Variants in STARD13 observed in about 807,000 individuals in gnomAD.
STARD13 encodes stAR-related lipid transfer protein 13.
A neutral mutation model predicts 106.4 loss-of-function variants in STARD13; 62 were observed. The ratio of observed to expected loss-of-function variants is 0.58; its 90% CI spans 0.48 to 0.72. The LOEUF (loss-of-function observed/expected upper bound fraction) is 0.72. STARD13 is among the 30% of genes least tolerant of loss of function. STARD13 has a pLI of 0.00. For synonymous variants in STARD13, 565 were observed against 553.0 expected, an observed-to-expected ratio of 1.02 and a Z score of -0.31; for missense variants, 1,387 against 1,424.0, an observed-to-expected ratio of 0.97 and a Z score of 0.42.
chr13:33,477,461 C>A, the STARD13 span, among the ~76,000 whole-genome samples: 1 of 152,152 alleles, frequency 6.6e-6, no homozygotes, highest in Non-Finnish European at 1.5e-5. Context: ...CTGACTCTGG[C>A]AAATCTTGCC....
chr13:33,436,978 G>A, the STARD13 span, among the ~76,000 whole-genome samples: 5 of 152,078 alleles, frequency 3.3e-5, no homozygotes, highest in African/African-American at 4.8e-5. Flanking sequence ...GTATATGGAG[G>A]GGCCCCTTCA....
At chr13:33,249,899 C>T (rs1426148477) in intron 1 of STARD13, among the ~76,000 whole-genome samples, 2 of 152,120 alleles carry the variant, frequency 1.3e-5, no homozygotes, top group Non-Finnish European at 2.9e-5. Flanking sequence ...AAACAATAGT[C>T]CCACCTCAGC....
At chr13:33,616,205 AAGGAG>A in the STARD13 span, among the ~76,000 whole-genome samples, 12 of 148,822 alleles carry the variant, frequency 8.1e-5, no homozygotes, top group Admixed American at 6.0e-4. Flanking sequence ...AGGGAGGGAA[AAGGAG>A]AGGAGAGGAG....
chr13:33,448,930 G>C, the STARD13 span, among the ~76,000 whole-genome samples: 1 of 151,622 alleles, frequency 6.6e-6, no homozygotes, highest in Admixed American at 6.6e-5. Flanking sequence ...TTTTTTAATT[G>C]AGTTTTTGTT....
At chr13:33,625,683 TAGAA>T in the STARD13 span, among the ~76,000 whole-genome samples, 1 of 152,052 alleles carries the variant, frequency 6.6e-6, no homozygotes, top group African/African-American at 2.4e-5. Context: ...TTCTCTTGGT[TAGAA>T]AGAGAATTAA....
At chr13:33,304,139 C>T (rs7334667) in intron 1 of STARD13, among the ~76,000 whole-genome samples, 37,778 of 152,212 alleles carry the variant, frequency 0.25, 5,250 homozygotes, top group East Asian at 0.69. Flanking sequence ...TGCAGACACA[C>T]CACAGGCCGA....
chr13:33,172,016 A>G (rs1026720867), intron 1 of STARD13, among the ~76,000 whole-genome samples: 1 of 151,118 alleles, frequency 6.6e-6, no homozygotes, highest in Admixed American at 6.7e-5. Context: ...TCACATGAAC[A>G]TATTATCATG....
intron 1 of STARD13, among the ~76,000 whole-genome samples, chr13:33,319,932 T>C (rs1397290099): frequency 6.6e-6 from 1 of 152,220 alleles, no homozygotes; most frequent in Non-Finnish European, 1.5e-5. Flanking sequence ...TTCAAAGCCC[T>C]GCTTGGCTGC....
At chr13:33,181,630 T>C (rs1270725172) in intron 1 of STARD13, among the ~76,000 whole-genome samples, 3 of 152,224 alleles carry the variant, frequency 2.0e-5, no homozygotes, top group Non-Finnish European at 4.4e-5. Flanking sequence ...TGAAAGTCCT[T>C]TGCAAACTGT....
intron 1 of STARD13, among the ~76,000 whole-genome samples, chr13:33,331,794 A>C (rs1278376572): frequency 6.6e-6 from 1 of 152,132 alleles, no homozygotes; most frequent in African/African-American, 2.4e-5. Context: ...TTCACTCAAT[A>C]AATGTTTTTC....
At position 33,321,438 on chromosome 13, in the gene STARD13, G is replaced by A. The variant is rs536205306; in HGVS notation, c.124+28852C>T. Among the ~76,000 whole-genome samples, 4 of 151,780 alleles carry A rather than the reference G, an allele frequency of 2.6e-5. No individual in the cohort carries two copies. The South Asian group carries it at 6.2e-4, about 24-fold the overall frequency. ...CGAGAATCGCTTGAACCTGGGAGAC[G>A]GAGGTTGCAGTCAGCTGAGATCATG... On this transcript the variant is annotated intron_variant, in intron 1 of 5. Transcript: ENST00000567873.
chr13:33,361,023 A>T, the STARD13 span, among the ~76,000 whole-genome samples: 1 of 140,562 alleles, frequency 7.1e-6, no homozygotes, highest in African/African-American at 2.7e-5. Flanking sequence ...AGCCAGGATG[A>T]TCTCGATCTC....
At chr13:33,490,224 A>G in the STARD13 span, among the ~76,000 whole-genome samples, 1 of 152,178 alleles carries the variant, frequency 6.6e-6, no homozygotes, top group South Asian at 2.1e-4. Context: ...AGCAAATTGA[A>G]GGATGCTAGT....
In STARD13 at chr13:33,129,320, C is replaced by T. The variant is rs1174879417; in HGVS notation, c.1357G>A (p.Ala453Thr). 5 of 1,614,150 alleles carry T rather than the reference C, an allele frequency of 3.1e-6. No homozygotes were observed. Among genetic ancestry groups the T allele is most frequent in the Non-Finnish European group, 4.2e-6 (5 of 1,180,036 alleles). The change falls in exon 5 of 14, where the codon GCC becomes ACC. Residue 453 changes from alanine (A) to threonine (T), a missense_variant. Coordinates refer to ENST00000336934, the MANE Select transcript of STARD13 (RefSeq NM_178006.4). ...EPRLMASCHRASRVSIYDNVP... is the reference protein window; with the variant it reads ...EPRLMASCHRTSRVSIYDNVP... ...TTGTCATAGATACTGACTCGGCTGGCTCTGTGGCAGGACGCCATGAGCCGG... is the reference window on the plus strand; with the variant it reads ...TTGTCATAGATACTGACTCGGCTGGTTCTGTGGCAGGACGCCATGAGCCGG...
intron 1 of STARD13, among the ~76,000 whole-genome samples, chr13:33,182,726 ATTT>A (rs1885363564): frequency 6.6e-6 from 1 of 152,210 alleles, no homozygotes; most frequent in African/African-American, 2.4e-5. Flanking sequence ...TTAGACTCTC[ATTT>A]TGTCTAAACC....
rs187389197 is a variant in STARD13, at chr13:33,327,586, G to C, written c.124+22704C>G. 1.5e-4 allele frequency among the ~76,000 whole-genome samples: 23 copies of C among 152,288 alleles called. 2 individuals carry two copies. The East Asian group carries it at 4.4e-3, about 29-fold the overall frequency. Reference sequence around the variant, plus strand: ...GGGTCTTGCTATGTTGCCCAGGTTGGTCTTGAACTCCTGGCCTCAAGGGAT... The same window carrying C: ...GGGTCTTGCTATGTTGCCCAGGTTGCTCTTGAACTCCTGGCCTCAAGGGAT... On this transcript the variant is annotated intron_variant, in intron 1 of 5. Transcript: ENST00000567873.
the STARD13 span, among the ~76,000 whole-genome samples, chr13:33,543,335 T>C: frequency 6.6e-6 from 1 of 152,200 alleles, no homozygotes; most frequent in Admixed American, 6.5e-5. Flanking sequence ...AGTAATTTGC[T>C]TTAAAATAGG....
At chr13:33,389,809 T>C in the STARD13 span, among the ~76,000 whole-genome samples, 1 of 152,176 alleles carries the variant, frequency 6.6e-6, no homozygotes, top group Non-Finnish European at 1.5e-5. Flanking sequence ...TCGTTTATTA[T>C]GTTTGAGTGT....
At chr13:33,262,682 C>CACAG (rs1555254815) in intron 1 of STARD13, among the ~76,000 whole-genome samples, 15 of 148,666 alleles carry the variant, frequency 1.0e-4, no homozygotes, top group Non-Finnish European at 1.6e-4. Context: ...CACACACACA[C>CACAG]ACACACACCC....
Sources: allele counts gnomAD v4.1 joint callset (sites outside exome capture counted in the v4.1 genomes callset), GRCh38; gene constraint gnomAD v4.1.1; transcripts MANE v1.5; gene names NCBI Gene and HGNC (gene_info 2026-07-23, HGNC 2026-07-21).